The following PDE10A variants were observed in gnomAD, a reference collection of about 807,000 sequenced individuals.
The protein encoded by PDE10A is phosphodiesterase 10A.
Under a neutral mutation model 97.7 loss-of-function variants are expected in PDE10A, and 39 were observed. The observed-to-expected ratio is 0.40, with a 90% CI of 0.31 to 0.52. The LOEUF (loss-of-function observed/expected upper bound fraction) is 0.52, where lower values mean the gene tolerates loss of function less well. PDE10A is among the 20% of genes least tolerant of loss of function. The pLI is 0.56. For missense variants in PDE10A, 731 were observed against 1,047.8 expected, an observed-to-expected ratio of 0.70 and a Z score of 4.17; for synonymous variants, 371 against 376.8, an observed-to-expected ratio of 0.98 and a Z score of 0.18.
At chr6:165,417,732 A>C (rs1788420538) in intron 11 of PDE10A, among the ~76,000 whole-genome samples, 1 of 152,194 alleles carries the variant, frequency 6.6e-6, no homozygotes, top group Admixed American at 6.5e-5. Flanking sequence ...ATACACAGGA[A>C]GCGCTGAGGG....
At chr6:165,580,407 T>C (rs1785547180) in intron 1 of PDE10A, among the ~76,000 whole-genome samples, 1 of 152,172 alleles carries the variant, frequency 6.6e-6, no homozygotes, top group Non-Finnish European at 1.5e-5. Context: ...TGCCAGAGCT[T>C]AAATAAGAGA....
chr6:165,614,217 C>T (rs1255358292), intron 1 of PDE10A, among the ~76,000 whole-genome samples: 1 of 152,202 alleles, frequency 6.6e-6, no homozygotes, highest in Non-Finnish European at 1.5e-5. Flanking sequence ...TTTCTAACGG[C>T]CAAAGTAATC....
At chr6:165,704,080 C>G (rs544247247) in intron 1 of PDE10A, among the ~76,000 whole-genome samples, 28 of 152,310 alleles carry the variant, frequency 1.8e-4, no homozygotes, top group African/African-American at 6.5e-4. Flanking sequence ...GCAGCCGTGC[C>G]ACGTACAACA....
At chr6:165,441,174 T>A (rs1207728465) in intron 5 of PDE10A, among the ~76,000 whole-genome samples, 3 of 152,044 alleles carry the variant, frequency 2.0e-5, no homozygotes, top group Non-Finnish European at 4.4e-5. Context: ...TACTGAGAGG[T>A]CTTAAATCCC....
At chr6:165,473,128 T>C (rs1779106814) in intron 3 of PDE10A, among the ~76,000 whole-genome samples, 1 of 152,186 alleles carries the variant, frequency 6.6e-6, no homozygotes, top group South Asian at 2.1e-4. Flanking sequence ...CAATGGGGCA[T>C]TTTTAGTCAC....
At chr6:165,866,071 T>C (rs571806924) in intron 1 of PDE10A, among the ~76,000 whole-genome samples, 2 of 152,066 alleles carry the variant, frequency 1.3e-5, no homozygotes, top group South Asian at 4.2e-4. Flanking sequence ...CAGAAGTAAG[T>C]CCTCACCTAC....
chr6:165,449,025 C>T (rs765750654), intron 4 of PDE10A, 48 bp from the exon 5 acceptor site: 1 of 1,389,650 alleles, frequency 7.2e-7, no homozygotes, highest in South Asian at 1.2e-5. Context: ...GTGGGAGAAT[C>T]TAACATGTAT....
chr6:165,690,264 G>T (rs2128441399), intron 1 of PDE10A, among the ~76,000 whole-genome samples: 1 of 152,220 alleles, frequency 6.6e-6, no homozygotes, highest in Non-Finnish European at 1.5e-5. Flanking sequence ...CATAAGTTTG[G>T]AACTCATCCC....
intron 1 of PDE10A, among the ~76,000 whole-genome samples, chr6:165,863,039 C>T (rs919706811): frequency 2.6e-5 from 4 of 152,200 alleles, no homozygotes; most frequent in African/African-American, 9.7e-5. Flanking sequence ...CCTGAATAAT[C>T]TCTACAGTGC....
chr6:165,460,699 A>G (rs1778271214), intron 3 of PDE10A, among the ~76,000 whole-genome samples: 1 of 152,156 alleles, frequency 6.6e-6, no homozygotes, highest in Admixed American at 6.5e-5. Context: ...CCGATGGACA[A>G]CCTGGGACTA....
intron 3 of PDE10A, among the ~76,000 whole-genome samples, chr6:165,473,399 A>G (rs2128274205): frequency 1.3e-5 from 2 of 152,328 alleles, no homozygotes; most frequent in Admixed American, 1.3e-4. Context: ...CAAAGCTGAT[A>G]GGAACAGGAT....
intron 1 of PDE10A, among the ~76,000 whole-genome samples, chr6:165,945,567 G>A (rs1783738229): frequency 1.3e-5 from 2 of 152,110 alleles, no homozygotes; most frequent in African/African-American, 4.8e-5. Context: ...TGGGATTGGT[G>A]CCCTTATAAA....
chr6:165,729,894 G>A (rs1050646261), intron 1 of PDE10A, among the ~76,000 whole-genome samples: 2 of 152,118 alleles, frequency 1.3e-5, no homozygotes, highest in African/African-American at 4.8e-5. Flanking sequence ...TGTTGTTTTT[G>A]ATTGAAAAAT....
intron 10 of PDE10A, among the ~76,000 whole-genome samples, chr6:165,427,913 CTA>C (rs1274815943): frequency 2.6e-5 from 4 of 151,888 alleles, no homozygotes; most frequent in Non-Finnish European, 2.9e-5. Flanking sequence ...AGTTAATAAC[CTA>C]TGTTATTCTC....
At chr6:165,938,105 C>G (rs1462641611) in intron 1 of PDE10A, among the ~76,000 whole-genome samples, 1 of 152,232 alleles carries the variant, frequency 6.6e-6, no homozygotes, top group African/African-American at 2.4e-5. Flanking sequence ...TTTACTCTCC[C>G]CAGCAAGCCA....
chr6:165,722,717 G>T (rs1480267065), intron 1 of PDE10A, among the ~76,000 whole-genome samples: 1 of 152,126 alleles, frequency 6.6e-6, no homozygotes, highest in African/African-American at 2.4e-5. Context: ...CTGTACTTGT[G>T]AAGTCCGGTA....
chr6:165,433,011 T>A lies in PDE10A; in HGVS notation c.1454A>T (p.His485Leu), dbSNP rs1436366914. Residue 485 changes from histidine (H) to leucine (L), a missense_variant, in exon 7 of 22, where the codon CAC becomes CTC. Physicochemically the swap from His to Leu is moderately conservative, Grantham distance 99. Around this residue, in one of 8 missense-constraint regions of PDE10A, gnomAD observed 152 missense variants for 199.3 expected, o/e 0.76. Transcript: ENST00000539869. ...AAGACAGAAGGCTTCTTTGCCCCAG[T>A]GCCGATACAGCTCGAGAATACCAAT... is the stretch of plus-strand genomic sequence containing the variant. ...DLIGILELYR[H>L]WGKEAFCLSH... 3 of 1,613,814 alleles carry A rather than the reference T, an allele frequency of 1.9e-6. No homozygotes were observed. The highest frequency in any genetic ancestry group is 2.5e-6 in the Non-Finnish European group (3 of 1,179,946).
At chr6:165,474,094 C>A (rs147029038) in intron 3 of PDE10A, among the ~76,000 whole-genome samples, 30 of 152,256 alleles carry the variant, frequency 2.0e-4, no homozygotes, top group Non-Finnish European at 3.7e-4. Context: ...TATGTTAATC[C>A]TCCTTTTTGG....
intron 10 of PDE10A, among the ~76,000 whole-genome samples, chr6:165,424,952 T>C (rs1454752064): frequency 2.6e-5 from 4 of 152,088 alleles, no homozygotes; most frequent in Admixed American, 2.6e-4. Context: ...CCACAACAAA[T>C]ATACATAGCA....
Sources: allele counts gnomAD v4.1 joint callset (sites outside exome capture counted in the v4.1 genomes callset), GRCh38; gene constraint gnomAD v4.1.1; regional missense constraint gnomAD v4.1.1; transcripts MANE v1.5; gene names NCBI Gene and HGNC (gene_info 2026-07-23, HGNC 2026-07-21).